Variants in SPON1 observed in about 807,000 individuals in gnomAD.
The protein encoded by SPON1 is spondin-1.
In SPON1, 52 loss-of-function variants were observed where a neutral mutation model predicts 111.7. The ratio of observed to expected loss-of-function variants is 0.47; its 90% CI spans 0.37 to 0.59. SPON1 has a LOEUF of 0.59. Ranked by LOEUF, SPON1 falls within the 20% of genes least tolerant of loss-of-function variation. The pLI, the probability that SPON1 is intolerant of heterozygous loss-of-function variation, is 0.00. For synonymous variants in SPON1, 410 were observed against 395.8 expected, an observed-to-expected ratio of 1.04 and a Z score of -0.43; for missense variants, 957 against 1,068.5, an observed-to-expected ratio of 0.90 and a Z score of 1.46.
At chr11:14,114,854 C>T (rs983402548) in intron 5 of SPON1, among the ~76,000 whole-genome samples, 21 of 152,136 alleles carry the variant, frequency 1.4e-4, no homozygotes, top group Admixed American at 2.6e-4. Flanking sequence ...CTCTGAATCC[C>T]CAGGACCATA....
At chr11:14,223,354 A>G (rs1411643369) in intron 6 of SPON1, among the ~76,000 whole-genome samples, 2 of 152,152 alleles carry the variant, frequency 1.3e-5, no homozygotes, top group Non-Finnish European at 2.9e-5. Context: ...ATAGAGTAAG[A>G]CCCTGTCTCA....
At chr11:14,122,143 T>C (rs1847396855) in intron 5 of SPON1, among the ~76,000 whole-genome samples, 1 of 152,044 alleles carries the variant, frequency 6.6e-6, no homozygotes, top group Admixed American at 6.5e-5. Context: ...TTTGGGAGAA[T>C]TTCAGGCATT....
chr11:14,178,180 T>C (rs1164859465), intron 6 of SPON1, among the ~76,000 whole-genome samples: 2 of 152,084 alleles, frequency 1.3e-5, no homozygotes, highest in South Asian at 2.1e-4. Flanking sequence ...ACAAACACTT[T>C]GGGAGGCTGA....
chr11:14,134,252 T>C (rs6486170), intron 5 of SPON1, among the ~76,000 whole-genome samples: 130,523 of 152,130 alleles, frequency 0.86, 56,345 homozygotes, highest in African/African-American at 0.96. Flanking sequence ...TTGAGCCAAC[T>C]GTGTGATGAA....
chr11:14,080,001 C>A lies in SPON1; in HGVS notation c.656C>A (p.Thr219Lys), dbSNP rs1554921881. The A allele has an allele frequency of 6.2e-7, 1 of 1,614,014 alleles. No homozygotes were observed. The highest frequency in any genetic ancestry group is 1.7e-5 in the Admixed American group (1 of 60,032). ...TTTTATGGGAATTGGTCCGAGAAGA[C>A]ACACCCAAAGGATTACCCTCGTGAG... ...LTFYGNWSEK[T>K]HPKDYPRRAN... is the part of the protein sequence containing the mutation. Residue 219 changes from threonine (T) to lysine (K), a missense_variant, in exon 5 of 16, where the codon ACA becomes AAA. Physicochemically the swap from Thr to Lys is moderately conservative, Grantham distance 78. Coordinates refer to ENST00000576479, the MANE Select transcript of SPON1 (RefSeq NM_006108.4).
At chr11:13,975,078 G>A (rs1048749221) in intron 1 of SPON1, among the ~76,000 whole-genome samples, 7 of 152,086 alleles carry the variant, frequency 4.6e-5, no homozygotes, top group Non-Finnish European at 7.4e-5. Context: ...CCAGATAGAC[G>A]CAGATGTTCT....
chr11:14,265,041 G>A (rs1429910441), intron 15 of SPON1, among the ~76,000 whole-genome samples: 3 of 152,148 alleles, frequency 2.0e-5, no homozygotes, highest in African/African-American at 2.4e-5. Flanking sequence ...TCCACTGGAT[G>A]GTTCTTCTTG....
chr11:14,188,024 G>A (rs1848305515), intron 6 of SPON1, among the ~76,000 whole-genome samples: 1 of 151,982 alleles, frequency 6.6e-6, no homozygotes, highest in Non-Finnish European at 1.5e-5. Flanking sequence ...CAGGTGGTCT[G>A]CCTGCCTCAG....
At chr11:13,990,253 G>T (rs1554910942) in intron 2 of SPON1, among the ~76,000 whole-genome samples, 3 of 151,908 alleles carry the variant, frequency 2.0e-5, no homozygotes, top group Non-Finnish European at 4.4e-5. Context: ...CATATATTTA[G>T]GATAGTTAGC....
chr11:14,143,042 G>A (rs1453539945), intron 6 of SPON1, among the ~76,000 whole-genome samples: 2 of 152,202 alleles, frequency 1.3e-5, no homozygotes, highest in Non-Finnish European at 2.9e-5. Context: ...GGCCCCAAAT[G>A]GTAGCCATAG....
At chr11:13,991,986 A>T (rs1046859085) in intron 2 of SPON1, among the ~76,000 whole-genome samples, 4 of 152,102 alleles carry the variant, frequency 2.6e-5, no homozygotes, top group African/African-American at 7.2e-5. Flanking sequence ...CCTGTATGAG[A>T]TGTCTGTTGG....
intron 6 of SPON1, among the ~76,000 whole-genome samples, chr11:14,184,203 G>T (rs1338414041): frequency 1.3e-5 from 2 of 151,882 alleles, no homozygotes; most frequent in Non-Finnish European, 2.9e-5. Flanking sequence ...CTTTTTCATT[G>T]ATCTATTAAC....
At chr11:14,193,838 A>C (rs782343675) in intron 6 of SPON1, among the ~76,000 whole-genome samples, 2 of 152,214 alleles carry the variant, frequency 1.3e-5, no homozygotes, top group Non-Finnish European at 2.9e-5. Context: ...GACCTTGCCC[A>C]TCACACAGCC....
chr11:14,090,527 C>T (rs1466775978), intron 5 of SPON1, among the ~76,000 whole-genome samples: 1 of 152,070 alleles, frequency 6.6e-6, no homozygotes, highest in African/African-American at 2.4e-5. Context: ...CTGGTGGGTT[C>T]GTGGTCTCAT....
chr11:13,983,264 G>C (rs1408739904), intron 2 of SPON1, among the ~76,000 whole-genome samples: 3 of 152,250 alleles, frequency 2.0e-5, no homozygotes, highest in African/African-American at 7.2e-5. Flanking sequence ...TGTTTTGCCT[G>C]CACAGGCATT....
At chr11:14,198,492 G>C (rs1261201473) in intron 6 of SPON1, among the ~76,000 whole-genome samples, 1 of 152,242 alleles carries the variant, frequency 6.6e-6, no homozygotes, top group East Asian at 1.9e-4. Flanking sequence ...TGATATATTT[G>C]AAAGCTGATA....
At position 14,259,131 on chromosome 11, in the gene SPON1, C is replaced by T. The variant is rs1849142317; in HGVS notation, c.1493-149C>T. On this transcript the variant is annotated intron_variant, in intron 11 of 15. Coordinates refer to ENST00000576479, the MANE Select transcript of SPON1 (RefSeq NM_006108.4). The surrounding 1 kb of genome is among the most constrained non-coding windows in gnomAD (Gnocchi z 5.0). ...GGCATTTCCTCTTAGAGAACTTTGC[C>T]AGTTTAAGGATTTAGACCTCTTAGG... is the stretch of plus-strand genomic sequence containing the variant. 1.3e-6 allele frequency: 1 copy of T among 759,058 alleles called. No homozygotes were observed. Among genetic ancestry groups the T allele is most frequent in the African/African-American group, 1.7e-5 (1 of 57,168 alleles). The allele number at this position is 759,058 out of a possible 1,614,324, so 47.0% of individuals were successfully genotyped here.
At chr11:14,229,527 G>A (rs919724934) in intron 6 of SPON1, among the ~76,000 whole-genome samples, 1 of 152,100 alleles carries the variant, frequency 6.6e-6, no homozygotes, top group Non-Finnish European at 1.5e-5. Flanking sequence ...GTCATCAGAG[G>A]CACCCCCTTC....
At chr11:14,244,751 A>G (rs1253544109) in intron 7 of SPON1, among the ~76,000 whole-genome samples, 9 of 152,184 alleles carry the variant, frequency 5.9e-5, no homozygotes, top group African/African-American at 2.2e-4. Flanking sequence ...CTGTCTCAAC[A>G]ACAACAAAAA....
Sources: gnomAD v4.1 joint callset for allele counts (sites outside exome capture counted in the v4.1 genomes callset) on GRCh38, gnomAD v4.1.1 for gene constraint, Gnocchi (gnomAD v3.1) non-coding constraint, MANE v1.5 for transcripts, NCBI Gene and HGNC (gene_info 2026-07-23, HGNC 2026-07-21) for gene names.